SAMD4A: variants seen among roughly 807,000 people sequenced by gnomAD.
SAMD4A encodes the protein sterile alpha motif domain containing 4A.
SAMD4A carries 33 observed loss-of-function variants against 81.3 expected under a neutral mutation model. That is an observed-to-expected ratio of 0.41 (90% CI 0.31 to 0.54). The LOEUF (loss-of-function observed/expected upper bound fraction) is 0.54, where lower values mean the gene tolerates loss of function less well. SAMD4A is among the 20% of genes least tolerant of loss of function. SAMD4A has a pLI of 0.37. For missense variants in SAMD4A, 854 were observed against 951.1 expected, an observed-to-expected ratio of 0.90 and a Z score of 1.34; for synonymous variants, 389 against 382.1, an observed-to-expected ratio of 1.02 and a Z score of -0.21.
chr14:54,656,874 T>G (rs2035532108), intron 2 of SAMD4A, among the ~76,000 whole-genome samples: 1 of 152,168 alleles, frequency 6.6e-6, no homozygotes, highest in Non-Finnish European at 1.5e-5. Flanking sequence ...CTCAAAGTGC[T>G]GGGATTACAG....
chr14:54,727,161 TTTTCC>T, intron 3 of SAMD4A, among the ~76,000 whole-genome samples: 1 of 141,742 alleles, frequency 7.1e-6, no homozygotes, highest in Non-Finnish European at 1.5e-5. Context: ...AGCCTTCTTT[TTTTCC>T]TTTTTTTTTT....
chr14:54,715,885 T>C (rs573936041), intron 3 of SAMD4A, among the ~76,000 whole-genome samples: 3 of 152,238 alleles, frequency 2.0e-5, no homozygotes, highest in East Asian at 1.9e-4. Flanking sequence ...GCAAAAATAA[T>C]ACTGGTTTAA....
At chr14:54,648,619 G>A (rs1339369844) in intron 2 of SAMD4A, among the ~76,000 whole-genome samples, 1 of 152,158 alleles carries the variant, frequency 6.6e-6, no homozygotes, top group Non-Finnish European at 1.5e-5. Context: ...AAATAGTAGA[G>A]TCAGTGTGAC....
chr14:54,724,377 T>C (rs1025252271), intron 3 of SAMD4A, among the ~76,000 whole-genome samples: 26 of 152,202 alleles, frequency 1.7e-4, no homozygotes, highest in Non-Finnish European at 3.1e-4. Flanking sequence ...GCACCTCAGC[T>C]TGCTATCTGT....
chr14:54,695,693 G>A (rs2036557591), intron 2 of SAMD4A, among the ~76,000 whole-genome samples: 1 of 151,374 alleles, frequency 6.6e-6, no homozygotes, highest in South Asian at 2.1e-4. Context: ...GGTGGCTCAC[G>A]CCTGTAATCC....
chr14:54,657,034 A>G (rs1566569590), intron 2 of SAMD4A, among the ~76,000 whole-genome samples: 2 of 152,176 alleles, frequency 1.3e-5, no homozygotes, highest in Admixed American at 6.5e-5. Flanking sequence ...GTGGAAGCCA[A>G]TAGCAAATTG....
chr14:54,779,999 T>G (rs1056654182), intron 11 of SAMD4A, among the ~76,000 whole-genome samples: 1 of 152,128 alleles, frequency 6.6e-6, no homozygotes, highest in Non-Finnish European at 1.5e-5. Flanking sequence ...AGCAACTAAT[T>G]TCTACTGACC....
chr14:54,587,506 G>A (rs1409123988), intron 2 of SAMD4A, among the ~76,000 whole-genome samples: 2 of 152,142 alleles, frequency 1.3e-5, no homozygotes, highest in African/African-American at 4.8e-5. Context: ...TCATGTTCCA[G>A]TTCTCAAGGG....
chr14:54,639,801 A>AACACACACACACAC (rs10677522), intron 2 of SAMD4A, among the ~76,000 whole-genome samples: 135 of 148,950 alleles, frequency 9.1e-4, no homozygotes, highest in African/African-American at 3.3e-3. Flanking sequence ...CATTGCTTGA[A>AACACACACACACAC]ACACACACAC....
At chr14:54,712,096 C>T (rs1224727265) in intron 3 of SAMD4A, among the ~76,000 whole-genome samples, 1 of 152,132 alleles carries the variant, frequency 6.6e-6, no homozygotes, top group Non-Finnish European at 1.5e-5. Context: ...AGGAAAGAGG[C>T]CTTTGCAAAT....
chr14:54,611,117 TTG>T (rs1342836803), intron 2 of SAMD4A, among the ~76,000 whole-genome samples: 1 of 152,170 alleles, frequency 6.6e-6, no homozygotes, highest in Non-Finnish European at 1.5e-5. Context: ...AAGGAAGCCT[TTG>T]AATCTTGGCT....
At chr14:54,724,047 A>AGGAAGGAAGGAAGGAAG (rs1555347585) in intron 3 of SAMD4A, among the ~76,000 whole-genome samples, 3 of 150,884 alleles carry the variant, frequency 2.0e-5, no homozygotes, top group African/African-American at 7.4e-5. Context: ...GAAGGAAGGA[A>AGGAAGGAAGGAAGGAAG]GGAATAATGC....
At chr14:54,720,478 T>G (rs2037233041) in intron 3 of SAMD4A, among the ~76,000 whole-genome samples, 1 of 152,146 alleles carries the variant, frequency 6.6e-6, no homozygotes, top group Admixed American at 6.5e-5. Context: ...CTAACCTGGC[T>G]GTTTTTGTGG....
At chr14:54,640,492 G>A (rs968670379) in intron 2 of SAMD4A, among the ~76,000 whole-genome samples, 15 of 152,208 alleles carry the variant, frequency 9.9e-5, no homozygotes, top group Admixed American at 3.9e-4. Flanking sequence ...CCTGTGCTGA[G>A]TGGAAAGGGC....
At chr14:54,758,627 C>T (rs2038308711) in intron 6 of SAMD4A, among the ~76,000 whole-genome samples, 1 of 152,160 alleles carries the variant, frequency 6.6e-6, no homozygotes, top group African/African-American at 2.4e-5. Flanking sequence ...GTCAGAAGTT[C>T]AAGACCGGCC....
intron 2 of SAMD4A, among the ~76,000 whole-genome samples, chr14:54,597,964 A>C (rs530244045): frequency 6.6e-6 from 1 of 152,278 alleles, no homozygotes; most frequent in South Asian, 2.1e-4. Context: ...TGGTCTCCAT[A>C]AAGCAGTTTA....
chr14:54,624,707 C>T (rs1323758498), intron 2 of SAMD4A, among the ~76,000 whole-genome samples: 1 of 152,130 alleles, frequency 6.6e-6, no homozygotes, highest in East Asian at 1.9e-4. Context: ...CAATTATCCT[C>T]AATTACTAAA....
intron 2 of SAMD4A, among the ~76,000 whole-genome samples, chr14:54,609,052 G>T (rs770790406): frequency 6.6e-6 from 1 of 152,216 alleles, no homozygotes; most frequent in Non-Finnish European, 1.5e-5. Flanking sequence ...AGATGTGTAT[G>T]TCCTAATCTC....
chr14:54,738,888 A>G (rs1041311177), intron 4 of SAMD4A, among the ~76,000 whole-genome samples: 1 of 152,116 alleles, frequency 6.6e-6, no homozygotes, highest in Admixed American at 6.5e-5. Context: ...CTAGTTGGTA[A>G]CTGTGGGGAG....
Sources: allele counts gnomAD v4.1 joint callset (sites outside exome capture counted in the v4.1 genomes callset), GRCh38; gene constraint gnomAD v4.1.1; transcripts MANE v1.5; gene names NCBI Gene and HGNC (gene_info 2026-07-23, HGNC 2026-07-21).